Variants in GFM2 observed in about 807,000 individuals in gnomAD.
GFM2 encodes the protein ribosome-releasing factor 2, mitochondrial.
A neutral mutation model predicts 95.4 loss-of-function variants in GFM2; 72 were observed. The ratio of observed to expected loss-of-function variants is 0.76; its 90% confidence interval spans 0.62 to 0.92. The LOEUF is 0.92. GFM2 is among the 40% of genes least tolerant of loss of function. GFM2 has a pLI of 0.00. For synonymous variants in GFM2, 276 were observed against 317.5 expected, an observed-to-expected ratio of 0.87 and a Z score of 1.39; for missense variants, 825 against 924.1, an observed-to-expected ratio of 0.89 and a Z score of 1.39.
Position 74,722,561 on chromosome 5 carries a change from C to T in GFM2, c.2029G>A (p.Ala677Thr). The T allele has an allele frequency of 6.2e-7, 1 of 1,603,200 alleles. No individual in the cohort carries two copies. The highest frequency in any genetic ancestry group is 1.7e-4 in the Middle Eastern group (1 of 6,022). Residue 677 changes from alanine to threonine, a missense_variant and splice_region_variant, in exon 20 of 21, where the codon GCT becomes ACT. By Grantham distance (58) the Ala-to-Thr change is moderately conservative. Transcript: ENST00000296805. ...SACVSRCVQK[A>T]LKKADKQVLE... Reference sequence around the variant, plus strand: ...ACTTGCTTATCAGCTTTCTTCAGAGCCTAAAGAAATTAAAGAATGTTAACT... The same window carrying T: ...ACTTGCTTATCAGCTTTCTTCAGAGTCTAAAGAAATTAAAGAATGTTAACT...
chr5:74,729,145 A>G (rs1486750634), intron 17 of GFM2, among the ~76,000 whole-genome samples: 1 of 152,076 alleles, frequency 6.6e-6, no homozygotes, highest in Non-Finnish European at 1.5e-5. Flanking sequence ...AGCACTTTAC[A>G]CTAAAGAACT....
intron 17 of GFM2, among the ~76,000 whole-genome samples, chr5:74,729,730 C>T: frequency 7.2e-6 from 1 of 138,760 alleles, no homozygotes; most frequent in South Asian, 2.3e-4. Flanking sequence ...ACACTTTCTT[C>T]TTGGGGGTGA....
intron 10 of GFM2, among the ~76,000 whole-genome samples, chr5:74,743,927 T>C (rs2112286740): frequency 6.6e-6 from 1 of 152,278 alleles, no homozygotes; most frequent in South Asian, 2.1e-4. Flanking sequence ...AAAAAGTATA[T>C]GTAAAGCACT....
At chr5:74,731,873 G>A (rs546662040) in intron 16 of GFM2, among the ~76,000 whole-genome samples, 15 of 151,298 alleles carry the variant, frequency 9.9e-5, no homozygotes, top group Non-Finnish European at 1.5e-4. Context: ...ACAGAGAAAC[G>A]GACTTAATTA....
chr5:74,736,374 A>G (rs1451876825), intron 15 of GFM2: 1 of 984,762 alleles, frequency 1.0e-6, no homozygotes, highest in African/African-American at 1.7e-5. Flanking sequence ...GTCAAACAAG[A>G]TTATCCACAG....
At chr5:74,759,274 C>T (rs1561263198) in intron 4 of GFM2, 95 bp downstream of exon 4, 2 of 744,274 alleles carry the variant, frequency 2.7e-6, no homozygotes, top group Admixed American at 2.5e-5. Context: ...GGCAGAAAGT[C>T]ATAGAAATTA....
At chr5:74,741,869 C>T in intron 10 of GFM2, 1 of 260,866 alleles carries the variant, frequency 3.8e-6, no homozygotes. Flanking sequence ...TAATTAAATG[C>T]TATCAGTGTG....
At chr5:74,725,840 C>T (rs1750121342) in intron 18 of GFM2, 85 bp from the exon 19 acceptor site, 1 of 1,440,654 alleles carries the variant, frequency 6.9e-7, no homozygotes, top group Admixed American at 1.7e-5. Context: ...AGGGAGAAAA[C>T]ACTAACAAAG....
At chr5:74,722,323 A>G (rs1029128378) in intron 20 of GFM2, 56 bp downstream of exon 20, 64 of 1,333,834 alleles carry the variant, frequency 4.8e-5, no homozygotes, top group Middle Eastern at 4.1e-4. Context: ...ATTCATTGGC[A>G]TATAATATCC....
intron 8 of GFM2, 60 bp from the exon 9 acceptor site, chr5:74,746,225 T>C: frequency 1.1e-6 from 1 of 928,016 alleles, no homozygotes; most frequent in African/African-American, 1.7e-5. Context: ...ACCAAAGGTA[T>C]CAAGAGAGGA....
At chr5:74,757,144 T>C (rs1744027467) in intron 5 of GFM2, among the ~76,000 whole-genome samples, 1 of 152,196 alleles carries the variant, frequency 6.6e-6, no homozygotes, top group Admixed American at 6.5e-5. Context: ...TAAGATTATC[T>C]TTAATTATAA....
intron 7 of GFM2, among the ~76,000 whole-genome samples, chr5:74,750,360 CAA>C (rs1743630945): frequency 6.6e-6 from 1 of 152,182 alleles, no homozygotes; most frequent in Non-Finnish European, 1.5e-5. Context: ...TCTGATCTCT[CAA>C]AGTTCTTGAC....
chr5:74,747,240 C>T (rs1475245885), intron 8 of GFM2, among the ~76,000 whole-genome samples: 1 of 152,214 alleles, frequency 6.6e-6, no homozygotes, highest in East Asian at 1.9e-4. Context: ...TCTCTTCTTC[C>T]AGTTCTTTAT....
chr5:74,723,415 C>G (rs1340980975), intron 19 of GFM2, among the ~76,000 whole-genome samples: 1 of 152,164 alleles, frequency 6.6e-6, no homozygotes, highest in Non-Finnish European at 1.5e-5. Context: ...ATCCCTTTTT[C>G]TGATGATGAC....
At chr5:74,757,127 T>C (rs555203188) in intron 5 of GFM2, among the ~76,000 whole-genome samples, 96 of 152,244 alleles carry the variant, frequency 6.3e-4, no homozygotes, top group African/African-American at 2.2e-3. Context: ...TTTTAGAATA[T>C]AAAGTCTAAG....
chr5:74,730,161 A>T (rs1742481946), intron 17 of GFM2, 99 bp downstream of exon 17: 1 of 1,133,744 alleles, frequency 8.8e-7, no homozygotes, highest in Admixed American at 3.2e-5. Flanking sequence ...CTCCTCTGAT[A>T]GAAGACATTA....
chr5:74,732,256 G>C (rs756767194), intron 16 of GFM2, among the ~76,000 whole-genome samples: 41 of 148,208 alleles, frequency 2.8e-4, no homozygotes, highest in Admixed American at 1.2e-3. Context: ...TTAAATAATA[G>C]GTTTTTTAAA....
intron 1 of GFM2, among the ~76,000 whole-genome samples, chr5:74,765,369 G>C (rs1744513735): frequency 6.6e-6 from 1 of 152,104 alleles, no homozygotes; most frequent in Admixed American, 6.5e-5. Context: ...CGTAGTCAGG[G>C]GATACAGACA....
chr5:74,726,246 A>T, intron 17 of GFM2, 120 bp from the exon 18 acceptor site: 1 of 641,700 alleles, frequency 1.6e-6, no homozygotes, highest in South Asian at 2.1e-5. Context: ...GTGGGAGAGA[A>T]TATTAACAAT....
Sources: allele counts gnomAD v4.1 joint callset (sites outside exome capture counted in the v4.1 genomes callset), GRCh38; gene constraint gnomAD v4.1.1; transcripts MANE v1.5; gene names NCBI Gene and HGNC (gene_info 2026-07-23, HGNC 2026-07-21).